The following PKIG variants were observed in gnomAD, a reference collection of about 807,000 sequenced individuals.
PKIG encodes cAMP-dependent protein kinase inhibitor gamma, also known as protein kinase (cAMP-dependent, catalytic) inhibitor gamma.
PKIG carries 1 observed loss-of-function variant against 6.8 expected under a neutral mutation model. The observed-to-expected ratio is 0.15, with a 90% CI of 0.05 to 0.69. PKIG has a LOEUF of 0.69. Ranked by LOEUF, PKIG falls within the 30% of genes least tolerant of loss-of-function variation. The probability of loss-of-function intolerance (pLI) is 0.82; values close to 1 mark genes in which losing one functional copy is unlikely to be tolerated. For synonymous variants in PKIG, 39 were observed against 43.0 expected, an observed-to-expected ratio of 0.91 and a Z score of 0.36; for missense variants, 77 against 104.0, an observed-to-expected ratio of 0.74 and a Z score of 1.13.
chr20:44,596,074 C>G lies in PKIG; in HGVS notation c.-24+6208C>G, dbSNP rs143119335. On this transcript the variant is annotated intron_variant, in intron 2 of 3. Transcript: ENST00000372886. ...TATTTAGTCACTGAGTGATTAAAAT[C>G]TATATGTCAGGAGCTGTGCTATATT... 2.4e-4 allele frequency among the ~76,000 whole-genome samples: 37 copies of G among 152,210 alleles called. No individual in the cohort carries two copies. In the East Asian group the frequency reaches 6.7e-3, roughly 28 times the overall value.
intron 1 of PKIG, among the ~76,000 whole-genome samples, chr20:44,546,491 A>G (rs2064615075): frequency 6.6e-6 from 1 of 151,976 alleles, no homozygotes; most frequent in Non-Finnish European, 1.5e-5. Flanking sequence ...GTTGGTCATT[A>G]TAAATTGTGC....
chr20:44,542,252 C>T (rs2064568795), intron 1 of PKIG, among the ~76,000 whole-genome samples: 1 of 151,968 alleles, frequency 6.6e-6, no homozygotes, highest in Admixed American at 6.6e-5. Flanking sequence ...TCTAGGTTCC[C>T]TTATCTGTAA....
chr20:44,603,523 T>G (rs1199342669), intron 2 of PKIG, among the ~76,000 whole-genome samples: 1 of 151,624 alleles, frequency 6.6e-6, no homozygotes, highest in African/African-American at 2.4e-5. Flanking sequence ...CCTCAGAGAT[T>G]TGTAATGTCA....
intron 2 of PKIG, among the ~76,000 whole-genome samples, chr20:44,602,560 C>T (rs1036087970): frequency 3.3e-5 from 5 of 151,722 alleles, no homozygotes; most frequent in African/African-American, 1.2e-4. Context: ...AGGCCAGGTG[C>T]GGTGGCTCAT....
intron 1 of PKIG, among the ~76,000 whole-genome samples, chr20:44,585,594 G>A (rs1471717314): frequency 3.3e-5 from 5 of 152,220 alleles, no homozygotes; most frequent in Non-Finnish European, 5.9e-5. Context: ...GGTTGTCCCC[G>A]AAGCCCTTGA....
intron 2 of PKIG, among the ~76,000 whole-genome samples, chr20:44,596,719 G>A (rs1237031266): frequency 6.6e-6 from 1 of 152,174 alleles, no homozygotes; most frequent in African/African-American, 2.4e-5. Flanking sequence ...TGCTGGCAGT[G>A]GCCGTGGACA....
At chr20:44,573,397 A>G (rs1264347510) in intron 1 of PKIG, among the ~76,000 whole-genome samples, 2 of 152,260 alleles carry the variant, frequency 1.3e-5, no homozygotes, top group Non-Finnish European at 2.9e-5. Flanking sequence ...GAGAGGACAT[A>G]AGGAATGGTA....
intron 1 of PKIG, among the ~76,000 whole-genome samples, chr20:44,566,389 T>G (rs560494339): frequency 6.6e-6 from 1 of 152,376 alleles, no homozygotes; most frequent in South Asian, 2.1e-4. Context: ...CTCTGCCTTT[T>G]AAGTCCAGCA....
At chr20:44,566,924 A>G (rs1033209308) in intron 1 of PKIG, among the ~76,000 whole-genome samples, 7 of 152,236 alleles carry the variant, frequency 4.6e-5, no homozygotes, top group Admixed American at 6.5e-5. Flanking sequence ...GTTGTAACCC[A>G]TAGGTACATG....
At chr20:44,576,044 C>T (rs1237711043) in intron 1 of PKIG, among the ~76,000 whole-genome samples, 7 of 152,020 alleles carry the variant, frequency 4.6e-5, no homozygotes, top group African/African-American at 1.7e-4. Context: ...GAAATGAAAT[C>T]CCTTGTTCTC....
intron 2 of PKIG, among the ~76,000 whole-genome samples, chr20:44,610,299 C>T (rs1052153444): frequency 6.6e-6 from 1 of 152,150 alleles, no homozygotes; most frequent in Non-Finnish European, 1.5e-5. Flanking sequence ...TTTAAGGTCA[C>T]GTGTCTCATT....
chr20:44,533,547 G>A (rs1005856020), intron 1 of PKIG, among the ~76,000 whole-genome samples: 2 of 152,168 alleles, frequency 1.3e-5, no homozygotes, highest in Admixed American at 6.5e-5. Context: ...TAAAATGTAT[G>A]GAGGGTGTAG....
chr20:44,611,216 G>T (rs244084), intron 2 of PKIG, among the ~76,000 whole-genome samples: 10,167 of 151,918 alleles, frequency 0.067, 502 homozygotes, highest in African/African-American at 0.15. Context: ...TACCACACCC[G>T]ACTAATTTTG....
chr20:44,557,405 A>C (rs1600849610), intron 1 of PKIG, among the ~76,000 whole-genome samples: 2 of 151,416 alleles, frequency 1.3e-5, no homozygotes, highest in Admixed American at 6.6e-5. Flanking sequence ...GAGCGCCTGT[A>C]GTCCCAGCTA....
intron 2 of PKIG, among the ~76,000 whole-genome samples, chr20:44,604,793 G>C (rs2065149928): frequency 6.6e-6 from 1 of 152,186 alleles, no homozygotes; most frequent in Admixed American, 6.5e-5. Context: ...AGTACACAGA[G>C]GAGCAAAAGG....
chr20:44,559,611 C>T (rs551932308), intron 1 of PKIG, among the ~76,000 whole-genome samples: 1 of 152,288 alleles, frequency 6.6e-6, no homozygotes, highest in East Asian at 1.9e-4. Flanking sequence ...TTCAGAGTCC[C>T]AGTGAGACTA....
chr20:44,574,857 A>G (rs1267263763), intron 1 of PKIG, among the ~76,000 whole-genome samples: 1 of 152,224 alleles, frequency 6.6e-6, no homozygotes, highest in Admixed American at 6.5e-5. Context: ...GGCGTGAGCT[A>G]CCGTGCCCAG....
chr20:44,560,822 A>T (rs532418910), intron 1 of PKIG, among the ~76,000 whole-genome samples: 20 of 152,216 alleles, frequency 1.3e-4, no homozygotes, highest in Non-Finnish European at 2.8e-4. Flanking sequence ...CTCGAGGAAG[A>T]TGTTATCATC....
At chr20:44,545,691 T>A (rs1288956201) in intron 1 of PKIG, among the ~76,000 whole-genome samples, 1 of 152,106 alleles carries the variant, frequency 6.6e-6, no homozygotes, top group Admixed American at 6.6e-5. Flanking sequence ...GGTGTGTCCC[T>A]GTAGTCCTAG....
Sources: allele counts gnomAD v4.1 joint callset (sites outside exome capture counted in the v4.1 genomes callset), GRCh38; gene constraint gnomAD v4.1.1; transcripts MANE v1.5; gene names NCBI Gene and HGNC (gene_info 2026-07-23, HGNC 2026-07-21).